Variants in ANKRD36B observed in about 807,000 individuals in gnomAD.
ANKRD36B encodes the protein ankyrin repeat domain 36B, also known as ankyrin repeat domain-containing protein 36B.
ANKRD36B carries 37 observed loss-of-function variants against 135.7 expected under a neutral mutation model. That is an observed-to-expected ratio of 0.27 (90% CI 0.21 to 0.36). The LOEUF (loss-of-function observed/expected upper bound fraction) is 0.36, where lower values mean the gene tolerates loss of function less well. ANKRD36B is among the 10% of genes least tolerant of loss of function. The pLI is 1.00. For synonymous variants in ANKRD36B, 179 were observed against 348.1 expected, an observed-to-expected ratio of 0.51 and a Z score of 5.41; for missense variants, 549 against 1,037.1, an observed-to-expected ratio of 0.53 and a Z score of 6.46.
At chr2:97,576,640 T>TGAA (rs1334225359) in intron 5 of ANKRD36B, among the ~76,000 whole-genome samples, 194 bp from the exon 6 acceptor site, 7 of 150,868 alleles carry the variant, frequency 4.6e-5, no homozygotes, top group African/African-American at 1.7e-4. Flanking sequence ...ACTCATGAAG[T>TGAA]GAAGGCAGTA....
Position 97,526,236 on chromosome 2 carries a change from C to T in ANKRD36B, c.2266-2769G>A, listed in dbSNP as rs1396975309. Among the ~76,000 whole-genome samples the T allele has an allele frequency of 5.1e-5, 5 of 97,230 alleles. 2 individuals are homozygous for T. Among genetic ancestry groups the T allele is most frequent in the East Asian group, 2.3e-4 (1 of 4,322 alleles). The allele number at this position is 97,230 out of a possible 152,430, so 63.8% of individuals were successfully genotyped here. A position where few individuals can be genotyped will look rare whatever the true frequency, so the allele number is the denominator to read the frequency against. ...AGAGGAAAGATCACACAGCAGCATT[C>T]GCTGTTCATGAAAATCCACTGTTCT... On this transcript the variant is annotated intron_variant, in intron 35 of 43. Transcript: ENST00000359901.
rs1377293558 is a variant in ANKRD36B at position 97,524,887 on chromosome 2, CT to C, written c.2266-1421del. ...TAAAGAGGTCCTTTCTATCACAACACTTTTTCACTACTAGTTGTTGAGACAA... is the reference window on the plus strand; with the variant it reads ...TAAAGAGGTCCTTTCTATCACAACACTTTTCACTACTAGTTGTTGAGACAA... On this transcript the variant is annotated intron_variant, in intron 35 of 43. Coordinates refer to ENST00000359901, the MANE Select transcript of ANKRD36B (RefSeq NM_001393939.1). 2.2e-3 allele frequency: 219 copies of C among 97,422 alleles called. 53 individuals carry two copies. Among genetic ancestry groups the C allele is most frequent in the African/African-American group, 6.3e-3 (206 of 32,570 alleles). 6.0% of individuals were successfully genotyped at this position (97,422 alleles called of 1,614,324 possible).
In ANKRD36B at chr2:97,585,304, C is replaced by A. The variant is rs1559251709; in HGVS notation, c.256G>T (p.Asp86Tyr). 2 of 1,581,428 alleles carry A rather than the reference C, an allele frequency of 1.3e-6. No individual in the cohort carries two copies. Among genetic ancestry groups the A allele is most frequent in the South Asian group, 2.3e-5 (2 of 86,986 alleles). The change falls in exon 2 of 44, where the codon GAC becomes TAC. Residue 86 changes from aspartate to tyrosine, a missense_variant. By Grantham distance (160) the Asp-to-Tyr change is radical. Coordinates refer to ENST00000359901, the MANE Select transcript of ANKRD36B (RefSeq NM_001393939.1). Reference sequence around the variant, plus strand: ...TGTACCTTGATCAGAGGTGTCCTGTCTTCACGGTCGCAGAGGTTAAGCTCA... The same window carrying A: ...TGTACCTTGATCAGAGGTGTCCTGTATTCACGGTCGCAGAGGTTAAGCTCA... Reference protein sequence around the residue: ...RCELNLCDREDRTPLIKAVQL... With the variant: ...RCELNLCDREYRTPLIKAVQL...
chr2:97,493,975 C>G (rs2077274073), intron 43 of ANKRD36B, among the ~76,000 whole-genome samples: 2 of 104,664 alleles, frequency 1.9e-5, no homozygotes, highest in African/African-American at 5.3e-5. Flanking sequence ...AACAGCATGG[C>G]CTTCACTGTT....
chr2:97,558,679 T>A, intron 10 of ANKRD36B, 120 bp downstream of exon 10: 1 of 1,176,872 alleles, frequency 8.5e-7, no homozygotes, highest in Admixed American at 2.0e-5. Flanking sequence ...AACTGAGGAA[T>A]CTCAGGCCTG....
chr2:97,536,448 A>G lies in ANKRD36B; in HGVS notation c.2118+20T>C. The G allele has an allele frequency of 1.1e-6, 1 of 894,780 alleles. No homozygotes were observed. Among genetic ancestry groups the G allele is most frequent in the East Asian group, 2.8e-5 (1 of 36,196 alleles). 55.4% of individuals were successfully genotyped at this position (894,780 alleles called of 1,614,324 possible). A position where few individuals can be genotyped will look rare whatever the true frequency, so the allele number is the denominator to read the frequency against. ...GGTTATGCAGTTAATAATTAAAAATATAAATGTAAGAGTAATTACCTTCAA... is the reference window on the plus strand; with the variant it reads ...GGTTATGCAGTTAATAATTAAAAATGTAAATGTAAGAGTAATTACCTTCAA... On this transcript the variant is annotated intron_variant, in intron 33 of 43. Transcript: ENST00000359901.
In ANKRD36B at chr2:97,534,445, C is replaced by A. The variant is rs1463976550; in HGVS notation, c.2191+1855G>T. Reference sequence around the variant, plus strand: ...AAGCCTCTTAATTTAGCAGTAGTACCTTACATGTATAATTTCTATTTCCTA... The same window carrying A: ...AAGCCTCTTAATTTAGCAGTAGTACATTACATGTATAATTTCTATTTCCTA... On this transcript the variant is annotated intron_variant, in intron 34 of 43. Transcript: ENST00000359901. Among the ~76,000 whole-genome samples, 3 of 96,250 alleles carry A rather than the reference C, an allele frequency of 3.1e-5. 1 individual carries two copies. The highest frequency in any genetic ancestry group is 9.3e-5 in the African/African-American group (3 of 32,086). 63.1% of individuals were successfully genotyped at this position (96,250 alleles called of 152,430 possible).
chr2:97,576,531 G>A (rs2082250991), intron 5 of ANKRD36B, 85 bp from the exon 6 acceptor site: 4 of 450,372 alleles, frequency 8.9e-6, no homozygotes, highest in Non-Finnish European at 1.6e-5. Context: ...AGAGTATCTT[G>A]AACAATATCA....
intron 10 of ANKRD36B, among the ~76,000 whole-genome samples, chr2:97,557,974 T>A (rs1218765791): frequency 1.3e-5 from 2 of 151,936 alleles, no homozygotes; most frequent in African/African-American, 4.8e-5. Flanking sequence ...ACCATTATTT[T>A]TTTTTCTAAA....
At chr2:97,551,529 G>T in intron 16 of ANKRD36B, 49 bp from the exon 17 acceptor site, 1 of 1,604,958 alleles carries the variant, frequency 6.2e-7, no homozygotes, top group Non-Finnish European at 8.5e-7. Context: ...CTATGACAAA[G>T]TTATCCATAC....
chr2:97,587,169 T>C (rs977246556), intron 1 of ANKRD36B, among the ~76,000 whole-genome samples: 1 of 152,268 alleles, frequency 6.6e-6, no homozygotes, highest in Middle Eastern at 3.4e-3. Flanking sequence ...TGAGACTCCA[T>C]CTCAAAAATA....
intron 14 of ANKRD36B, among the ~76,000 whole-genome samples, chr2:97,554,540 G>A (rs561408509): frequency 1.3e-5 from 2 of 151,946 alleles, no homozygotes; most frequent in South Asian, 4.2e-4. Flanking sequence ...GGTCTCCTCA[G>A]CAGAAACCCC....
At chr2:97,561,299 T>C (rs71429362) in intron 6 of ANKRD36B, among the ~76,000 whole-genome samples, 2 of 151,884 alleles carry the variant, frequency 1.3e-5, no homozygotes, top group African/African-American at 4.8e-5. Context: ...TCATCATGCT[T>C]TTTAACTTGA....
chr2:97,552,388 T>C (rs1444860810), intron 16 of ANKRD36B, among the ~76,000 whole-genome samples: 1 of 151,960 alleles, frequency 6.6e-6, no homozygotes, highest in Non-Finnish European at 1.5e-5. Flanking sequence ...AGCTATTTTA[T>C]CCAAGAGGTA....
intron 14 of ANKRD36B, among the ~76,000 whole-genome samples, chr2:97,554,398 A>C (rs2080313023): frequency 6.6e-6 from 1 of 151,964 alleles, no homozygotes; most frequent in South Asian, 2.1e-4. Context: ...AATAGTAGCA[A>C]AGAGAAGTAA....
At chr2:97,554,513 C>T (rs371967388) in intron 14 of ANKRD36B, among the ~76,000 whole-genome samples, 254 of 151,936 alleles carry the variant, frequency 1.7e-3, no homozygotes, top group East Asian at 8.8e-3. Flanking sequence ...TAAATGCATC[C>T]GAAGTGAGTT....
intron 6 of ANKRD36B, among the ~76,000 whole-genome samples, chr2:97,574,633 C>A (rs13017680): frequency 6.6e-6 from 1 of 151,848 alleles, no homozygotes; most frequent in South Asian, 2.1e-4. Context: ...TCTCGAAATG[C>A]GGCTGTGTTA....
intron 1 of ANKRD36B, among the ~76,000 whole-genome samples, chr2:97,585,811 AT>A (rs555215398): frequency 2.4e-4 from 37 of 152,348 alleles, no homozygotes; most frequent in African/African-American, 8.9e-4. Flanking sequence ...AGACAAAGAC[AT>A]TTTAATTAAG....
chr2:97,587,740 T>C lies in ANKRD36B; in HGVS notation c.161+1785A>G, dbSNP rs1272821012. On this transcript the variant is annotated intron_variant, in intron 1 of 43. Coordinates refer to ENST00000359901, the MANE Select transcript of ANKRD36B (RefSeq NM_001393939.1). ...ACCAACAAATTGTCTATTTGAAAAGTCATCAGAAATGTAAACTTTCAACAG... is the reference window on the plus strand; with the variant it reads ...ACCAACAAATTGTCTATTTGAAAAGCCATCAGAAATGTAAACTTTCAACAG... Among the ~76,000 whole-genome samples, 3 of 152,312 alleles carry C rather than the reference T, an allele frequency of 2.0e-5. No homozygotes were observed. The East Asian group carries it at 5.8e-4, about 29-fold the overall frequency.
Sources: gnomAD v4.1 joint callset for allele counts (sites outside exome capture counted in the v4.1 genomes callset) on GRCh38, gnomAD v4.1.1 for gene constraint, MANE v1.5 for transcripts, NCBI Gene and HGNC (gene_info 2026-07-23, HGNC 2026-07-21) for gene names.